EEPD1: variants seen among roughly 807,000 people sequenced by gnomAD.
EEPD1 encodes endonuclease/exonuclease/phosphatase family domain containing 1.
EEPD1 carries 17 observed loss-of-function variants against 46.3 expected under a neutral mutation model. The observed-to-expected ratio is 0.37, with a 90% confidence interval of 0.25 to 0.55. The LOEUF is 0.55. Among genes scored for constraint, EEPD1 ranks in the 20% least tolerant of loss-of-function variants. The pLI is 0.83. For missense variants in EEPD1, 673 were observed against 745.6 expected, an observed-to-expected ratio of 0.90 and a Z score of 1.13; for synonymous variants, 313 against 315.6, an observed-to-expected ratio of 0.99 and a Z score of 0.09.
At chr7:36,179,353 A>G (rs996439241) in intron 2 of EEPD1, among the ~76,000 whole-genome samples, 1 of 152,200 alleles carries the variant, frequency 6.6e-6, no homozygotes, top group Non-Finnish European at 1.5e-5. Flanking sequence ...TGATTTATCA[A>G]TAAGTAATAT....
At chr7:36,214,671 C>T (rs771939206) in intron 2 of EEPD1, among the ~76,000 whole-genome samples, 6 of 152,060 alleles carry the variant, frequency 3.9e-5, no homozygotes, top group African/African-American at 4.8e-5. Flanking sequence ...GGAACATTCC[C>T]GGGTGATGTT....
At chr7:36,213,511 C>T (rs1785972948) in intron 2 of EEPD1, among the ~76,000 whole-genome samples, 1 of 152,142 alleles carries the variant, frequency 6.6e-6, no homozygotes. Flanking sequence ...AAATATTGTT[C>T]AGATTATTGG....
intron 3 of EEPD1, among the ~76,000 whole-genome samples, chr7:36,267,343 T>C (rs1244682854): frequency 1.3e-5 from 2 of 152,174 alleles, no homozygotes; most frequent in Non-Finnish European, 2.9e-5. Flanking sequence ...GCCAGGCCTC[T>C]GCAAGATCAT....
chr7:36,156,290 C>T (rs541304763), intron 2 of EEPD1, among the ~76,000 whole-genome samples: 2 of 152,182 alleles, frequency 1.3e-5, no homozygotes, highest in Non-Finnish European at 2.9e-5. Context: ...CACAACGTTT[C>T]CTTGGCACTG....
chr7:36,284,595 C>T, intron 4 of EEPD1, 91 bp from the exon 5 acceptor site: 3 of 1,483,104 alleles, frequency 2.0e-6, no homozygotes, highest in Non-Finnish European at 2.7e-6. Flanking sequence ...GTAGGGCCTA[C>T]TGCCTCTCGG....
intron 2 of EEPD1, among the ~76,000 whole-genome samples, chr7:36,208,162 CT>C (rs1281621208): frequency 1.3e-5 from 2 of 152,154 alleles, no homozygotes; most frequent in Non-Finnish European, 2.9e-5. Context: ...AGTGGAGACC[CT>C]GGGCTGCGGT....
At chr7:36,231,953 C>T (rs185377678) in intron 2 of EEPD1, among the ~76,000 whole-genome samples, 17 of 152,224 alleles carry the variant, frequency 1.1e-4, no homozygotes, top group Admixed American at 5.2e-4. Flanking sequence ...AAAATCAGGA[C>T]AGTTATATAA....
chr7:36,181,841 G>A (rs1329079789), intron 2 of EEPD1, among the ~76,000 whole-genome samples: 3 of 152,072 alleles, frequency 2.0e-5, no homozygotes, highest in Non-Finnish European at 4.4e-5. Flanking sequence ...CTCTTTGTGT[G>A]GCAATGTTAA....
chr7:36,219,843 A>G (rs1263952193), intron 2 of EEPD1, among the ~76,000 whole-genome samples: 7 of 63,924 alleles, frequency 1.1e-4, no homozygotes, highest in African/African-American at 2.8e-4. Flanking sequence ...GTGTGTGTTC[A>G]TTCTCACAGG....
intron 2 of EEPD1, among the ~76,000 whole-genome samples, chr7:36,167,920 G>T (rs1785013303): frequency 6.6e-6 from 1 of 152,064 alleles, no homozygotes; most frequent in Non-Finnish European, 1.5e-5. Flanking sequence ...TCGCCACATT[G>T]GCCAGGCTGG....
At chr7:36,235,318 A>C (rs538694904) in intron 2 of EEPD1, among the ~76,000 whole-genome samples, 9 of 152,348 alleles carry the variant, frequency 5.9e-5, no homozygotes, top group African/African-American at 2.2e-4. Flanking sequence ...TCCCCTGTCA[A>C]CCTACATGCA....
chr7:36,197,319 G>A (rs1212833532), intron 2 of EEPD1, among the ~76,000 whole-genome samples: 4 of 147,390 alleles, frequency 2.7e-5, no homozygotes, highest in South Asian at 2.2e-4. Flanking sequence ...CCGGCCAGCC[G>A]CCCAGTCCAG....
At chr7:36,252,831 T>A (rs550442745) in intron 3 of EEPD1, among the ~76,000 whole-genome samples, 1,402 of 17,694 alleles carry the variant, frequency 0.079, 6 homozygotes, top group Non-Finnish European at 0.14. Flanking sequence ...GTTCTCTCCT[T>A]TTTTTTTTTT....
chr7:36,183,775 C>T (rs951379708), intron 2 of EEPD1, among the ~76,000 whole-genome samples: 3 of 152,056 alleles, frequency 2.0e-5, no homozygotes, highest in African/African-American at 7.2e-5. Context: ...GCTGGGATTA[C>T]AGGCATGAGC....
intron 2 of EEPD1, among the ~76,000 whole-genome samples, chr7:36,215,970 A>G (rs1282772700): frequency 6.6e-6 from 1 of 152,232 alleles, no homozygotes; most frequent in African/African-American, 2.4e-5. Context: ...GTTTACCCAT[A>G]TGATTTTGAG....
intron 3 of EEPD1, among the ~76,000 whole-genome samples, chr7:36,278,211 T>C (rs1787210578): frequency 6.6e-6 from 1 of 152,164 alleles, no homozygotes; most frequent in Admixed American, 6.5e-5. Context: ...TGGGAATCAG[T>C]GCTGTCAGCC....
intron 6 of EEPD1, among the ~76,000 whole-genome samples, chr7:36,294,618 A>T (rs929076008): frequency 2.0e-5 from 3 of 152,124 alleles, no homozygotes; most frequent in Non-Finnish European, 2.9e-5. Flanking sequence ...TACTACATTT[A>T]AAAAAAATTT....
chr7:36,265,393 C>T (rs545710421), intron 3 of EEPD1, among the ~76,000 whole-genome samples: 7 of 152,074 alleles, frequency 4.6e-5, no homozygotes, highest in South Asian at 2.1e-4. Flanking sequence ...GCCTAGAGCC[C>T]GCCTGAGAGT....
chr7:36,293,685 C>A (rs544445338), intron 6 of EEPD1, among the ~76,000 whole-genome samples: 1 of 152,140 alleles, frequency 6.6e-6, no homozygotes, highest in East Asian at 1.9e-4. Context: ...AATGTTTAGC[C>A]GGGCGCCATG....
Sources: allele counts gnomAD v4.1 joint callset (sites outside exome capture counted in the v4.1 genomes callset), GRCh38; gene constraint gnomAD v4.1.1; transcripts MANE v1.5; gene names NCBI Gene and HGNC (gene_info 2026-07-23, HGNC 2026-07-21).